Variants in TMEM232 observed in about 807,000 individuals in gnomAD.
The protein encoded by TMEM232 is transmembrane protein 232.
In TMEM232, 80 loss-of-function variants were observed where a neutral mutation model predicts 78.8. The observed-to-expected ratio is 1.01, with a 90% CI of 0.85 to 1.22. TMEM232 has a LOEUF of 1.22. Among genes scored for constraint, TMEM232 ranks in the 50% most tolerant of loss-of-function variants. TMEM232 has a pLI of 0.00. For missense variants in TMEM232, 881 were observed against 742.2 expected (o/e 1.19, Z -2.17); for synonymous variants, 297 against 254.3 (o/e 1.17, Z -1.60).
intron 1 of TMEM232, among the ~76,000 whole-genome samples, chr5:110,669,327 T>C (rs904661416): frequency 1.3e-5 from 2 of 152,088 alleles, no homozygotes; most frequent in Admixed American, 6.6e-5. Flanking sequence ...AAATACAAAC[T>C]ACCATCAGAG....
chr5:110,529,261 T>C (rs1233370525), intron 11 of TMEM232, among the ~76,000 whole-genome samples: 1 of 152,144 alleles, frequency 6.6e-6, no homozygotes, highest in Non-Finnish European at 1.5e-5. Context: ...TTTTTTCTTT[T>C]TTGAGAAAGA....
chr5:110,471,816 G>A (rs1762715965), intron 12 of TMEM232, among the ~76,000 whole-genome samples: 2 of 151,792 alleles, frequency 1.3e-5, no homozygotes, highest in African/African-American at 4.8e-5. Context: ...TTTCAGAAAA[G>A]ATAAACAAAC....
intron 10 of TMEM232, among the ~76,000 whole-genome samples, chr5:110,590,262 C>T (rs1403803970): frequency 6.6e-6 from 1 of 152,014 alleles, no homozygotes; most frequent in Non-Finnish European, 1.5e-5. Flanking sequence ...GTTAAGTAGC[C>T]TTCTTGTCCT....
At chr5:110,515,358 A>G (rs1467891014) in intron 12 of TMEM232, among the ~76,000 whole-genome samples, 1 of 152,102 alleles carries the variant, frequency 6.6e-6, no homozygotes, top group Non-Finnish European at 1.5e-5. Flanking sequence ...TTTCTTTACA[A>G]CCATTAAGAG....
At chr5:110,585,245 T>C (rs934031964) in intron 10 of TMEM232, among the ~76,000 whole-genome samples, 2 of 152,092 alleles carry the variant, frequency 1.3e-5, no homozygotes, top group Non-Finnish European at 2.9e-5. Context: ...TGGGAGATAA[T>C]AGGAAACTTT....
intron 11 of TMEM232, among the ~76,000 whole-genome samples, chr5:110,535,080 C>T (rs147090438): frequency 6.6e-6 from 1 of 152,092 alleles, no homozygotes; most frequent in African/African-American, 2.4e-5. Context: ...CACTTTACCA[C>T]TATTTCGTTT....
intron 12 of TMEM232, among the ~76,000 whole-genome samples, chr5:110,486,168 GTT>G: frequency 6.8e-6 from 1 of 146,186 alleles, no homozygotes; most frequent in East Asian, 2.0e-4. Context: ...TTAACGGGAG[GTT>G]TTTTTTTTTC....
chr5:110,566,422 A>G (rs116054043), intron 11 of TMEM232, among the ~76,000 whole-genome samples: 2,057 of 151,844 alleles, frequency 0.014, 45 homozygotes, highest in African/African-American at 0.046. Context: ...CAGGCTGCAA[A>G]TTTTTCAAAC....
chr5:110,701,441 C>T (rs1795430012), intron 1 of TMEM232, among the ~76,000 whole-genome samples: 1 of 151,860 alleles, frequency 6.6e-6, no homozygotes, highest in African/African-American at 2.4e-5. Flanking sequence ...TTTGTAATAG[C>T]CCCATGCTCC....
intron 10 of TMEM232, among the ~76,000 whole-genome samples, chr5:110,598,679 C>T (rs571337681): frequency 1.2e-4 from 18 of 151,768 alleles, no homozygotes; most frequent in African/African-American, 3.9e-4. Context: ...TACTATGCAG[C>T]CATAAAAAAT....
chr5:110,544,300 A>G (rs1057508919), intron 11 of TMEM232, among the ~76,000 whole-genome samples: 1 of 152,184 alleles, frequency 6.6e-6, no homozygotes, highest in Non-Finnish European at 1.5e-5. Context: ...CTTCACATAC[A>G]TATTTTAACC....
chr5:110,670,479 A>G (rs1415563860), intron 1 of TMEM232, among the ~76,000 whole-genome samples: 8 of 152,188 alleles, frequency 5.3e-5, no homozygotes, highest in Admixed American at 2.6e-4. Context: ...AACAAAATAA[A>G]AGAGGACACA....
intron 12 of TMEM232, among the ~76,000 whole-genome samples, chr5:110,426,210 C>G (rs1213222428): frequency 6.6e-6 from 1 of 152,002 alleles, no homozygotes; most frequent in African/African-American, 2.4e-5. Context: ...CCATAGCTCT[C>G]AATCTACCAT....
intron 2 of TMEM232, among the ~76,000 whole-genome samples, chr5:110,733,867 A>C (rs1798922989): frequency 1.3e-5 from 2 of 152,360 alleles, no homozygotes; most frequent in South Asian, 4.1e-4. Context: ...TGATATTAAA[A>C]TGGTCATTCA....
At chr5:110,494,789 T>C (rs1580925389) in intron 12 of TMEM232, among the ~76,000 whole-genome samples, 1 of 151,988 alleles carries the variant, frequency 6.6e-6, no homozygotes, top group Non-Finnish European at 1.5e-5. Flanking sequence ...ACTATAACTA[T>C]GTATAACGTG....
At chr5:110,611,518 C>T (rs1782277842) in intron 8 of TMEM232, among the ~76,000 whole-genome samples, 1 of 152,118 alleles carries the variant, frequency 6.6e-6, no homozygotes, top group African/African-American at 2.4e-5. Context: ...AACTGTTTCC[C>T]TCCACCCAGA....
At chr5:110,715,067 C>T (rs576541546) in intron 1 of TMEM232, among the ~76,000 whole-genome samples, 1 of 152,046 alleles carries the variant, frequency 6.6e-6, no homozygotes, top group South Asian at 2.1e-4. Flanking sequence ...TCTATTTTTG[C>T]CCCTTCATTC....
chr5:110,641,072 T>G, intron 3 of TMEM232, 76 bp from the exon 4 acceptor site: 2 of 916,480 alleles, frequency 2.2e-6, no homozygotes. Context: ...TAACTCTTAA[T>G]TGTGCTCCAA....
chr5:110,732,037 ATC>A (rs538308288), intron 2 of TMEM232, among the ~76,000 whole-genome samples: 252 of 152,324 alleles, frequency 1.7e-3, no homozygotes, highest in African/African-American at 5.6e-3. Flanking sequence ...ACTGTAAATC[ATC>A]TCTCTCAAGT....
Sources: allele counts gnomAD v4.1 joint callset (sites outside exome capture counted in the v4.1 genomes callset), GRCh38; gene constraint gnomAD v4.1.1; transcripts MANE v1.5; gene names NCBI Gene and HGNC (gene_info 2026-07-23, HGNC 2026-07-21).